Variants in PAN3 observed in about 807,000 individuals in gnomAD.
PAN3 encodes poly(A) specific ribonuclease subunit PAN3, also known as PAN2-PAN3 deadenylation complex subunit PAN3.
PAN3 carries 19 observed loss-of-function variants against 96.2 expected under a neutral mutation model. The ratio of observed to expected loss-of-function variants is 0.20; its 90% CI spans 0.14 to 0.29. PAN3 has a LOEUF of 0.29. PAN3 is among the 10% of genes least tolerant of loss of function. The probability of loss-of-function intolerance (pLI) is 1.00; values close to 1 mark genes in which losing one functional copy is unlikely to be tolerated. For missense variants in PAN3, 882 were observed against 1,108.1 expected, an observed-to-expected ratio of 0.80 and a Z score of 2.90; for synonymous variants, 433 against 406.6, an observed-to-expected ratio of 1.06 and a Z score of -0.78.
intron 4 of PAN3, among the ~76,000 whole-genome samples, chr13:28,185,629 G>T (rs758694250): frequency 6.6e-6 from 1 of 152,074 alleles, no homozygotes; most frequent in East Asian, 1.9e-4. Context: ...AGGTGTGTGT[G>T]GTAGTATGGT....
intron 9 of PAN3, among the ~76,000 whole-genome samples, chr13:28,265,324 C>G (rs1050476806): frequency 6.6e-6 from 1 of 152,198 alleles, no homozygotes; most frequent in African/African-American, 2.4e-5. Flanking sequence ...CTCAGCCTCC[C>G]AAGTAGCTAG....
Position 28,160,876 on chromosome 13 carries a change from A to G in PAN3, c.431-13396A>G, listed in dbSNP as rs145527872. On this transcript the variant is annotated intron_variant, in intron 1 of 18. Transcript: ENST00000380958. ...GCATAATATTCTTTTCTGTACTTCT[A>G]TTGAGAATAAATATAAAAAGTGTTT... 1.1e-4 allele frequency among the ~76,000 whole-genome samples: 16 copies of G among 152,338 alleles called. 1 individual carries two copies. In the East Asian group the frequency reaches 3.1e-3, roughly 29 times the overall value.
chr13:28,142,394 C>T (rs907747007), intron 1 of PAN3, among the ~76,000 whole-genome samples: 5 of 152,092 alleles, frequency 3.3e-5, no homozygotes, highest in African/African-American at 1.2e-4. Flanking sequence ...TTTCGAACTC[C>T]TGGGCTCTAG....
At chr13:28,139,514 T>TTGTGGG (rs1869356811) in intron 1 of PAN3, among the ~76,000 whole-genome samples, 1 of 93,100 alleles carries the variant, frequency 1.1e-5, no homozygotes, top group Non-Finnish European at 2.0e-5. Context: ...AGGGGTGTGT[T>TTGTGGG]TGTGTGTGTG....
At chr13:28,176,132 C>T (rs925378486) in intron 2 of PAN3, among the ~76,000 whole-genome samples, 2 of 152,234 alleles carry the variant, frequency 1.3e-5, no homozygotes, top group Non-Finnish European at 2.9e-5. Context: ...GGTATTAGAG[C>T]ATTTACTCAT....
intron 18 of PAN3, among the ~76,000 whole-genome samples, chr13:28,288,380 A>G (rs1000599643): frequency 1.3e-5 from 2 of 152,048 alleles, no homozygotes; most frequent in Non-Finnish European, 2.9e-5. Context: ...GCTCACTGCA[A>G]CCTCTGCCTC....
chr13:28,282,080 G>A (rs908596874), intron 17 of PAN3, among the ~76,000 whole-genome samples: 5 of 152,068 alleles, frequency 3.3e-5, no homozygotes, highest in African/African-American at 1.2e-4. Context: ...CTGGCCTAAA[G>A]TATACTTTTT....
At chr13:28,197,102 A>G (rs1878144356) in intron 4 of PAN3, 83 bp from the exon 5 acceptor site, 1 of 1,455,674 alleles carries the variant, frequency 6.9e-7, no homozygotes, top group South Asian at 1.5e-5. Context: ...CGTTCCCAGT[A>G]TCCTGTATAT....
rs970289567 is a variant in PAN3, at chr13:28,267,014, A to G, written c.1574-81A>G. On this transcript the variant is annotated intron_variant, in intron 10 of 18. Coordinates refer to ENST00000380958, the MANE Select transcript of PAN3 (RefSeq NM_175854.8). ...AGTACCTCATGAGCAATGTATAAAT[A>G]TGGCAATTTTTTTCCATTTCTGATG... is the stretch of plus-strand genomic sequence containing the variant. 3.6e-6 allele frequency: 5 copies of G among 1,385,954 alleles called. No individual in the cohort carries two copies. The East Asian group carries it at 6.9e-5, about 19-fold the overall frequency. 85.9% of individuals were successfully genotyped at this position (1,385,954 alleles called of 1,614,324 possible).
chr13:28,266,814 C>T lies in PAN3; in HGVS notation c.1511C>T (p.Thr504Ile). Residue 504 changes from threonine to isoleucine, a missense_variant, in exon 10 of 19, where the codon ACA (threonine) becomes ATA (isoleucine). Around this residue, in one of 3 missense-constraint regions of PAN3, gnomAD observed 364 missense variants for 513.6 expected, o/e 0.71. Transcript: ENST00000380958. The part of the protein sequence containing the change: ...IQKSSNFGYI[T>I]SCYKAVNSKD... ...AAATCAAGTAATTTTGGATATATTA[C>T]ATCTTGCTACAAAGCTGTAAACAGC... The T allele has an allele frequency of 3.7e-6, 6 of 1,611,676 alleles. No homozygotes were observed. Among genetic ancestry groups the T allele is most frequent in the South Asian group, 1.1e-5 (1 of 90,738 alleles).
chr13:28,181,403 G>A (rs1358976929), intron 4 of PAN3, among the ~76,000 whole-genome samples: 2 of 151,528 alleles, frequency 1.3e-5, no homozygotes, highest in African/African-American at 2.4e-5. Context: ...ACAGCTACTC[G>A]GGAGGATGAG....
At chr13:28,220,412 A>G in intron 6 of PAN3, 34 bp downstream of exon 6, 1 of 1,602,520 alleles carries the variant, frequency 6.2e-7, no homozygotes, top group African/African-American at 1.3e-5. Flanking sequence ...TGAGTTCCAG[A>G]TACCATGTCT....
intron 2 of PAN3, among the ~76,000 whole-genome samples, chr13:28,175,186 G>T (rs568250680): frequency 5.3e-5 from 8 of 152,218 alleles, no homozygotes; most frequent in Middle Eastern, 3.4e-3. Flanking sequence ...CTACTGGATG[G>T]TTTTCTCCAT....
At chr13:28,212,163 A>G (rs1398860469) in intron 5 of PAN3, among the ~76,000 whole-genome samples, 5 of 152,224 alleles carry the variant, frequency 3.3e-5, no homozygotes, top group Non-Finnish European at 5.9e-5. Flanking sequence ...TCTCAGATCT[A>G]TACATGGCCA....
intron 1 of PAN3, among the ~76,000 whole-genome samples, chr13:28,165,467 G>T (rs1454322927): frequency 6.6e-6 from 1 of 151,930 alleles, no homozygotes; most frequent in African/African-American, 2.4e-5. Context: ...ATAGTAGCAA[G>T]ATCACTTTTA....
rs538486662 is a variant in PAN3 at position 28,201,120 on chromosome 13, G to A, written c.852+3774G>A. 4.7e-5 allele frequency among the ~76,000 whole-genome samples: 7 copies of A among 150,188 alleles called. No homozygotes were observed. The South Asian group carries it at 1.3e-3, about 27-fold the overall frequency. ...CAATCATGGCTCACCTCATAGTCTC[G>A]ACCTCCTGTGCTCAAGCGATCCTCC... is the stretch of plus-strand genomic sequence containing the variant. On this transcript the variant is annotated intron_variant, in intron 5 of 18. Coordinates refer to ENST00000380958, the MANE Select transcript of PAN3 (RefSeq NM_175854.8).
At chr13:28,148,207 T>C (rs1870925454) in intron 1 of PAN3, among the ~76,000 whole-genome samples, 1 of 152,068 alleles carries the variant, frequency 6.6e-6, no homozygotes, top group Admixed American at 6.6e-5. Context: ...CCTCCTGTCT[T>C]GGCCTCCGAG....
chr13:28,166,781 C>T (rs1429728949), intron 1 of PAN3, among the ~76,000 whole-genome samples: 2 of 152,162 alleles, frequency 1.3e-5, no homozygotes, highest in African/African-American at 4.8e-5. Flanking sequence ...CCCACTTTTG[C>T]CCTCCAGAGT....
intron 6 of PAN3, among the ~76,000 whole-genome samples, chr13:28,228,867 A>C (rs1468021213): frequency 6.6e-6 from 1 of 152,166 alleles, no homozygotes; most frequent in Non-Finnish European, 1.5e-5. Flanking sequence ...TGCCCAAACA[A>C]ATAGATCCAA....
Sources: gnomAD v4.1 joint callset for allele counts (sites outside exome capture counted in the v4.1 genomes callset) on GRCh38, gnomAD v4.1.1 for gene constraint, gnomAD v4.1.1 regional missense constraint, MANE v1.5 for transcripts, NCBI Gene and HGNC (gene_info 2026-07-23, HGNC 2026-07-21) for gene names.